The following DDHD1 variants were observed in gnomAD, a reference collection of about 807,000 sequenced individuals.
The protein encoded by DDHD1 is DDHD domain containing 1.
In DDHD1, 49 loss-of-function variants were observed where a neutral mutation model predicts 96.4. The observed-to-expected ratio is 0.51, with a 90% CI of 0.40 to 0.64. The LOEUF (loss-of-function observed/expected upper bound fraction) is 0.64, where lower values mean the gene tolerates loss of function less well. Among genes scored for constraint, DDHD1 ranks in the 30% least tolerant of loss-of-function variants. DDHD1 has a pLI of 0.00. For synonymous variants in DDHD1, 442 were observed against 446.5 expected (o/e 0.99, Z 0.13); for missense variants, 1,106 against 1,161.2 (o/e 0.95, Z 0.69).
At chr14:53,093,166 TTAA>T (rs1448650590) in intron 3 of DDHD1, 147 bp downstream of exon 3, 2 of 683,770 alleles carry the variant, frequency 2.9e-6, no homozygotes, top group Non-Finnish European at 4.3e-6. Context: ...CTCAATCAAC[TTAA>T]TAAAAGTTTC....
chr14:53,053,908 A>T (rs1271705816), intron 11 of DDHD1: 3 of 152,276 alleles, frequency 2.0e-5, no homozygotes, highest in Non-Finnish European at 2.9e-5. Context: ...GTCCAACATA[A>T]CTATCCATTT....
At chr14:53,082,421 G>T (rs528507713) in intron 4 of DDHD1, among the ~76,000 whole-genome samples, 1 of 146,402 alleles carries the variant, frequency 6.8e-6, no homozygotes, top group Non-Finnish European at 1.5e-5. Context: ...AGAAAATCAT[G>T]AACAGTGATC....
At chr14:53,101,759 A>T (rs1887316901) in intron 2 of DDHD1, among the ~76,000 whole-genome samples, 1 of 152,070 alleles carries the variant, frequency 6.6e-6, no homozygotes, top group South Asian at 2.1e-4. Flanking sequence ...GAAAAACTGA[A>T]GTATCTTGCT....
intron 1 of DDHD1, among the ~76,000 whole-genome samples, chr14:53,110,936 A>G (rs1210882421): frequency 2.0e-5 from 3 of 152,210 alleles, no homozygotes; most frequent in African/African-American, 7.2e-5. Flanking sequence ...AGATCACACC[A>G]TCGCACCTGC....
intron 4 of DDHD1, among the ~76,000 whole-genome samples, chr14:53,083,036 A>G (rs1885624461): frequency 6.6e-6 from 1 of 152,150 alleles, no homozygotes; most frequent in African/African-American, 2.4e-5. Flanking sequence ...GAAGACGGGG[A>G]GAGAAATGAG....
intron 2 of DDHD1, among the ~76,000 whole-genome samples, chr14:53,099,367 C>T (rs1325373272): frequency 2.0e-5 from 3 of 152,150 alleles, no homozygotes; most frequent in Non-Finnish European, 4.4e-5. Context: ...GTTCTACGAT[C>T]CAATCTAGGG....
At chr14:53,054,662 T>C in intron 10 of DDHD1, 33 bp from the exon 11 acceptor site, 2 of 1,601,676 alleles carry the variant, frequency 1.2e-6, no homozygotes, top group Non-Finnish European at 1.7e-6. Flanking sequence ...GTCATTCTGT[T>C]GAATCACACC....
rs1891509761 is a variant in DDHD1 at position 53,152,592 on chromosome 14, G to C, written c.507C>G (p.Arg169=). ...TCTTCTTGTCCTCCTTGTAGAACCA[G>C]CGTACCTCCTCCGGGCCCAGCTCCG... ...VVTELGPEEV[R]WFYKEDKKTW... is the part of the protein sequence containing the mutation. The change falls in exon 1 of 13, where the codon CGC becomes CGG. Residue 169 remains arginine (R), a synonymous_variant. Coordinates refer to ENST00000673822, the MANE Select transcript of DDHD1 (RefSeq NM_001160148.2). The C allele has an allele frequency of 1.2e-6, 2 of 1,613,766 alleles. No individual in the cohort carries two copies. Among genetic ancestry groups the C allele is most frequent in the African/African-American group, 1.3e-5 (1 of 74,942 alleles).
intron 4 of DDHD1, among the ~76,000 whole-genome samples, chr14:53,086,434 T>C (rs1042356165): frequency 2.6e-5 from 4 of 152,160 alleles, no homozygotes; most frequent in Non-Finnish European, 4.4e-5. Context: ...GGGAAGCCCA[T>C]CAGACTAATG....
chr14:53,152,124 A>ACTAGTGTAG, intron 1 of DDHD1, 137 bp downstream of exon 1: 3 of 842,762 alleles, frequency 3.6e-6, no homozygotes, highest in South Asian at 4.9e-5. Flanking sequence ...CTCCCTGCTC[A>ACTAGTGTAG]ATCTCCATCC....
rs1322157149 is a variant in DDHD1 at position 53,103,555 on chromosome 14, G to A, written c.1012+128C>T. On this transcript the variant is annotated intron_variant, in intron 2 of 12. Coordinates refer to ENST00000673822, the MANE Select transcript of DDHD1 (RefSeq NM_001160148.2). The stretch of plus-strand genomic sequence containing the variant: ...TTTTTAAATTCTAGAATAATCAAAT[G>A]TTTAAAAAAATCAAATTTTCTAATT... The A allele has an allele frequency of 2.6e-5, 19 of 740,854 alleles. No homozygotes were observed. The Admixed American group carries it at 4.9e-4, about 19-fold the overall frequency. 45.9% of individuals were successfully genotyped at this position (740,854 alleles called of 1,614,324 possible).
At chr14:53,077,959 C>T (rs1885119118) in intron 4 of DDHD1, among the ~76,000 whole-genome samples, 1 of 152,138 alleles carries the variant, frequency 6.6e-6, no homozygotes, top group South Asian at 2.1e-4. Flanking sequence ...TAAATCAGTA[C>T]TTCATTGCTT....
intron 1 of DDHD1, among the ~76,000 whole-genome samples, chr14:53,126,804 GT>G (rs1328329932): frequency 3.3e-5 from 5 of 152,030 alleles, no homozygotes; most frequent in African/African-American, 4.8e-5. Context: ...TGAAATTAAA[GT>G]TTTGAAAAAA....
At chr14:53,124,558 A>T (rs899254138) in intron 1 of DDHD1, among the ~76,000 whole-genome samples, 2 of 152,222 alleles carry the variant, frequency 1.3e-5, no homozygotes, top group Non-Finnish European at 2.9e-5. Context: ...CAGTCATGCT[A>T]AGAATACTAA....
chr14:53,152,446 G>C lies in DDHD1; in HGVS notation c.653C>G (p.Pro218Arg). The C allele has an allele frequency of 6.2e-7, 1 of 1,613,450 alleles. No individual in the cohort carries two copies. Residue 218 changes from proline (P) to arginine (R), a missense_variant, in exon 1 of 13, where the codon CCC (proline) becomes CGC (arginine). Pro to Arg is a moderately radical substitution (Grantham distance 103). Around this residue, in one of 2 missense-constraint regions of DDHD1, gnomAD observed 456 missense variants for 402.4 expected, o/e 1.13. Transcript: ENST00000673822. ...TCCGGAACTGGAGGCTGGGCCCGTGGGGGAGCACACATGGTCGCCGTCCCG... is the reference window on the plus strand; with the variant it reads ...TCCGGAACTGGAGGCTGGGCCCGTGCGGGAGCACACATGGTCGCCGTCCCG... ...GDRDGDHVCS[P>R]TGPASSSGED... is the part of the protein sequence containing the mutation.
At chr14:53,090,312 G>A (rs1886326103) in intron 4 of DDHD1, among the ~76,000 whole-genome samples, 1 of 152,220 alleles carries the variant, frequency 6.6e-6, no homozygotes, top group African/African-American at 2.4e-5. Context: ...GGAAGACAGT[G>A]TGGTGATTCC....
At chr14:53,115,304 C>T (rs531053696) in intron 1 of DDHD1, among the ~76,000 whole-genome samples, 10 of 152,146 alleles carry the variant, frequency 6.6e-5, no homozygotes, top group Non-Finnish European at 1.0e-4. Context: ...AAACACACTT[C>T]AGGACATTAT....
intron 1 of DDHD1, among the ~76,000 whole-genome samples, chr14:53,128,615 G>C (rs1889634583): frequency 6.6e-6 from 1 of 152,170 alleles, no homozygotes; most frequent in African/African-American, 2.4e-5. Context: ...TCCACTGTAG[G>C]AGCATAAGAA....
At chr14:53,053,733 A>G (rs1476917312) in intron 11 of DDHD1, 1 of 152,224 alleles carries the variant, frequency 6.6e-6, no homozygotes, top group African/African-American at 2.4e-5. Flanking sequence ...ATGAAAAAAT[A>G]GGACTTGACG....
Sources: allele counts gnomAD v4.1 joint callset (sites outside exome capture counted in the v4.1 genomes callset), GRCh38; gene constraint gnomAD v4.1.1; regional missense constraint gnomAD v4.1.1; transcripts MANE v1.5; gene names NCBI Gene and HGNC (gene_info 2026-07-23, HGNC 2026-07-21).